The following CWC22 variants were observed in gnomAD, a reference collection of about 807,000 sequenced individuals.
CWC22 encodes the protein pre-mRNA-splicing factor CWC22 homolog.
CWC22 carries 53 observed loss-of-function variants against 117.2 expected under a neutral mutation model. The observed-to-expected ratio is 0.45, with a 90% CI of 0.36 to 0.57. The LOEUF is 0.57. Among genes scored for constraint, CWC22 ranks in the 20% least tolerant of loss-of-function variants. The pLI is 0.00. For synonymous variants in CWC22, 360 were observed against 355.6 expected (o/e 1.01, Z -0.14); for missense variants, 980 against 1,068.8 (o/e 0.92, Z 1.16).
chr2:179,971,530 C>T (rs1347180440), intron 8 of CWC22, among the ~76,000 whole-genome samples: 4 of 152,132 alleles, frequency 2.6e-5, no homozygotes, highest in Non-Finnish European at 5.9e-5. Flanking sequence ...CTATCAGCAA[C>T]TCTATTAGAC....
chr2:179,966,817 T>A (rs1308036122), intron 11 of CWC22, among the ~76,000 whole-genome samples: 1 of 152,208 alleles, frequency 6.6e-6, no homozygotes, highest in Non-Finnish European at 1.5e-5. Flanking sequence ...AGAGGGTTTT[T>A]AATACAAAGT....
chr2:179,958,986 T>TA, intron 14 of CWC22, 36 bp downstream of exon 14: 1 of 1,318,012 alleles, frequency 7.6e-7, no homozygotes, highest in Non-Finnish European at 1.1e-6. Context: ...TTAAAACCAA[T>TA]ATATACATTT....
intron 2 of CWC22, among the ~76,000 whole-genome samples, chr2:179,989,387 G>T (rs1446744653): frequency 6.6e-6 from 1 of 151,788 alleles, no homozygotes. Context: ...CCACAATATT[G>T]TACTTACCTC....
intron 17 of CWC22, among the ~76,000 whole-genome samples, 200 bp downstream of exon 17, chr2:179,952,271 C>T (rs986759420): frequency 1.3e-5 from 2 of 152,030 alleles, no homozygotes; most frequent in Non-Finnish European, 2.9e-5. Context: ...TTAATTTGAA[C>T]TCCACTTAAA....
At chr2:180,005,520 G>A (rs935351101) in intron 1 of CWC22, among the ~76,000 whole-genome samples, 13 of 152,180 alleles carry the variant, frequency 8.5e-5, no homozygotes, top group Admixed American at 8.5e-4. Flanking sequence ...AGCTTGCAGT[G>A]AGCCGAGATA....
intron 1 of CWC22, among the ~76,000 whole-genome samples, chr2:179,994,332 G>C (rs926001546): frequency 6.6e-6 from 1 of 152,156 alleles, no homozygotes; most frequent in African/African-American, 2.4e-5. Flanking sequence ...TAATTTGAGT[G>C]TCAGAAAGGG....
chr2:179,980,503 C>T (rs902308374), intron 5 of CWC22, among the ~76,000 whole-genome samples: 82 of 150,820 alleles, frequency 5.4e-4, no homozygotes, highest in East Asian at 1.2e-3. Context: ...CTGCAAGCTC[C>T]GCCTCCTGGG....
chr2:179,990,168 T>C (rs546199332), intron 2 of CWC22, among the ~76,000 whole-genome samples: 5 of 152,292 alleles, frequency 3.3e-5, no homozygotes, highest in Admixed American at 3.3e-4. Context: ...AGCTGTTACT[T>C]TGCATTAAAT....
chr2:179,948,267 G>A (rs1466325073), intron 19 of CWC22, among the ~76,000 whole-genome samples: 1 of 151,700 alleles, frequency 6.6e-6, no homozygotes, highest in Non-Finnish European at 1.5e-5. Context: ...ATAAATAACC[G>A]TGAGTCTATA....
intron 1 of CWC22, among the ~76,000 whole-genome samples, chr2:180,005,022 G>GGAA (rs1265414969): frequency 6.8e-6 from 1 of 147,856 alleles, no homozygotes; most frequent in Non-Finnish European, 1.5e-5. Flanking sequence ...GAATGCTTTC[G>GGAA]GAAAAAAAAA....
intron 19 of CWC22, among the ~76,000 whole-genome samples, chr2:179,950,296 C>T (rs920741491): frequency 5.9e-5 from 9 of 152,100 alleles, no homozygotes; most frequent in African/African-American, 1.7e-4. Flanking sequence ...GAAATATTTT[C>T]ATTTCTATGA....
At chr2:179,987,290 T>C (rs1199191056) in intron 3 of CWC22, among the ~76,000 whole-genome samples, 4 of 152,122 alleles carry the variant, frequency 2.6e-5, no homozygotes, top group African/African-American at 4.8e-5. Flanking sequence ...TGAGAATGGA[T>C]TGAAATTATT....
At chr2:179,954,173 A>C (rs780291776) in intron 16 of CWC22, 32 bp downstream of exon 16, 1 of 1,527,504 alleles carries the variant, frequency 6.5e-7, no homozygotes, top group East Asian at 2.3e-5. Flanking sequence ...GGGAATTAGG[A>C]AGGAAGTATA....
Position 179,978,455 on chromosome 2 carries a change from T to C in CWC22, c.453-137A>G, listed in dbSNP as rs940415808. The C allele has an allele frequency of 1.2e-5, 11 of 904,500 alleles. No homozygotes were observed. In the African/African-American group the frequency reaches 1.4e-4, roughly 11 times the overall value. The allele number at this position is 904,500 out of a possible 1,614,324, so 56.0% of individuals were successfully genotyped here. A position where few individuals can be genotyped will look rare whatever the true frequency, so the allele number is the denominator to read the frequency against. ...CGACCCCCAAGTACAGTAAAATATATGATGCCTATCAGGATAAATAGATTA... is the reference window on the plus strand; with the variant it reads ...CGACCCCCAAGTACAGTAAAATATACGATGCCTATCAGGATAAATAGATTA... On this transcript the variant is annotated intron_variant, in intron 5 of 19. Coordinates refer to ENST00000410053, the MANE Select transcript of CWC22 (RefSeq NM_020943.3).
chr2:179,955,293 ACAT>A (rs1269297735), intron 14 of CWC22, among the ~76,000 whole-genome samples: 1 of 152,028 alleles, frequency 6.6e-6, no homozygotes, highest in African/African-American at 2.4e-5. Flanking sequence ...AGTATGAACC[ACAT>A]CAAGAAAATC....
intron 4 of CWC22, among the ~76,000 whole-genome samples, chr2:179,984,978 C>A (rs535424251): frequency 2.0e-5 from 3 of 152,060 alleles, no homozygotes; most frequent in Admixed American, 6.6e-5. Flanking sequence ...TTCTTAGTAT[C>A]TACTATGTTC....
intron 13 of CWC22, among the ~76,000 whole-genome samples, chr2:179,961,797 T>G (rs867766098): frequency 6.6e-6 from 1 of 152,078 alleles, no homozygotes; most frequent in African/African-American, 2.4e-5. Flanking sequence ...GTTTTTAGGT[T>G]GTACTAATTA....
chr2:179,978,871 A>G (rs893308446), intron 5 of CWC22, among the ~76,000 whole-genome samples: 4 of 152,194 alleles, frequency 2.6e-5, no homozygotes, highest in African/African-American at 9.6e-5. Flanking sequence ...ATTACCTACC[A>G]TTCAGTGTAT....
chr2:179,955,055 A>G, intron 14 of CWC22, 21 bp from the exon 15 acceptor site: 3 of 1,499,670 alleles, frequency 2.0e-6, no homozygotes, highest in Non-Finnish European at 2.8e-6. Flanking sequence ...AAAAAAATAC[A>G]TTAATGATTC....
Sources: allele counts gnomAD v4.1 joint callset (sites outside exome capture counted in the v4.1 genomes callset), GRCh38; gene constraint gnomAD v4.1.1; transcripts MANE v1.5; gene names NCBI Gene and HGNC (gene_info 2026-07-23, HGNC 2026-07-21).